The following DNM2 variants were observed in gnomAD, a reference collection of about 807,000 sequenced individuals.
DNM2 encodes the protein dynamin 2.
In DNM2, 15 loss-of-function variants were observed where a neutral mutation model predicts 99.0. The observed-to-expected ratio is 0.15, with a 90% CI of 0.10 to 0.23. The LOEUF is 0.23. DNM2 is among the 10% of genes least tolerant of loss of function. The pLI, the probability that DNM2 is intolerant of heterozygous loss-of-function variation, is 1.00. For synonymous variants in DNM2, 525 were observed against 481.2 expected (o/e 1.09, Z -1.19); for missense variants, 742 against 1,189.4 (o/e 0.62, Z 5.53).
chr19:10,815,170 T>C (rs1346434719), intron 15 of DNM2, among the ~76,000 whole-genome samples: 2 of 152,222 alleles, frequency 1.3e-5, no homozygotes, highest in East Asian at 3.8e-4. Flanking sequence ...CCGCGTCTCC[T>C]GTTGCCACCT....
rs960587824 is a variant in DNM2, at chr19:10,812,230, G to A, written c.1558-34G>A. ...CTGGGGGATGGCTGGGGCACGGAGC[G>A]AGGTTCCCTGCTAAGCTGCGCGCTT... On this transcript the variant is annotated intron_variant, in intron 14 of 20. Transcript: ENST00000389253. This position sits in a 1 kb window ranked among gnomAD's most constrained non-coding sequence, Gnocchi z 4.0. 16 of 1,543,664 alleles carry A rather than the reference G, an allele frequency of 1.0e-5. No individual in the cohort carries two copies. Among genetic ancestry groups the A allele is most frequent in the East Asian group, 2.4e-5 (1 of 41,506 alleles).
In DNM2 at chr19:10,777,890, C is replaced by T. The variant is rs539816145; in HGVS notation, c.688+674C>T. 5.7e-4 allele frequency among the ~76,000 whole-genome samples: 87 copies of T among 152,030 alleles called. 2 individuals are homozygous for T. In the South Asian group the frequency reaches 0.016, roughly 27 times the overall value. On this transcript the variant is annotated intron_variant, in intron 5 of 20. Transcript: ENST00000389253. The stretch of plus-strand genomic sequence containing the variant: ...GATTACAGCCATGAGCCACCGCACC[C>T]GGCCTATTATGAGCATTTTCAAACA...
At chr19:10,737,523 T>C (rs548033270) in intron 1 of DNM2, among the ~76,000 whole-genome samples, 9 of 152,176 alleles carry the variant, frequency 5.9e-5, no homozygotes, top group Non-Finnish European at 1.2e-4. Context: ...AGTCTTGCTC[T>C]GACTCCCAGG....
chr19:10,736,236 G>A (rs2069519855), intron 1 of DNM2, among the ~76,000 whole-genome samples: 1 of 149,644 alleles, frequency 6.7e-6, no homozygotes, highest in African/African-American at 2.5e-5. Context: ...TTGCACTCCA[G>A]CCTGGGCAAC....
chr19:10,759,689 C>A, intron 1 of DNM2, 49 bp from the exon 2 acceptor site: 1 of 1,611,950 alleles, frequency 6.2e-7, no homozygotes, highest in Non-Finnish European at 8.5e-7. Context: ...ACTTCCTGCC[C>A]CTCGATCCGG....
chr19:10,820,125 G>A lies in DNM2; in HGVS notation c.1781+36G>A, dbSNP rs768632943. 31 of 1,595,344 alleles carry A rather than the reference G, an allele frequency of 1.9e-5. No individual in the cohort carries two copies. Among genetic ancestry groups the A allele is most frequent in the Non-Finnish European group, 2.5e-5 (29 of 1,163,620 alleles). On this transcript the variant is annotated intron_variant, in intron 16 of 20. Transcript: ENST00000389253. The surrounding 1 kb of genome is among the most constrained non-coding windows in gnomAD (Gnocchi z 4.3). ...CAGGGGCCTGGGGATGGCTCGGGGT[G>A]AAGACCAATGGCCTCATTCACACTC... is the stretch of plus-strand genomic sequence containing the variant.
chr19:10,758,447 TTCCC>T (rs1773618433), intron 1 of DNM2, among the ~76,000 whole-genome samples: 4 of 34,454 alleles, frequency 1.2e-4, no homozygotes, highest in East Asian at 1.2e-3. Flanking sequence ...CCCTCCTTCC[TTCCC>T]TCCCTCCTTC....
intron 5 of DNM2, chr19:10,780,300 G>A (rs2071323848): frequency 6.5e-6 from 1 of 153,194 alleles, no homozygotes; most frequent in African/African-American, 2.4e-5. Context: ...AGAGAGGAAA[G>A]CAGACCCTAC....
At chr19:10,741,266 T>G (rs1249950404) in intron 1 of DNM2, among the ~76,000 whole-genome samples, 1 of 152,228 alleles carries the variant, frequency 6.6e-6, no homozygotes, top group Non-Finnish European at 1.5e-5. Flanking sequence ...GGTCTTGCTC[T>G]GTCTCCCAGG....
At chr19:10,752,387 C>T (rs528492373) in intron 1 of DNM2, among the ~76,000 whole-genome samples, 9 of 152,366 alleles carry the variant, frequency 5.9e-5, no homozygotes, top group Admixed American at 2.6e-4. Flanking sequence ...GCGTCACTCC[C>T]GCCCTATGTT....
chr19:10,781,382 T>G (rs2071364965), intron 5 of DNM2: 1 of 152,098 alleles, frequency 6.6e-6, no homozygotes, highest in Non-Finnish European at 1.5e-5. Flanking sequence ...CCAAGAGAGA[T>G]CTGGCGAGGA....
intron 1 of DNM2, among the ~76,000 whole-genome samples, chr19:10,719,007 C>CT (rs370582769): frequency 5.1e-4 from 78 of 152,302 alleles, no homozygotes; most frequent in African/African-American, 1.9e-3. Flanking sequence ...GACTTTAACA[C>CT]TGAGCAGTCC....
At chr19:10,827,010 G>A (rs951415928) in intron 18 of DNM2, among the ~76,000 whole-genome samples, 1 of 152,100 alleles carries the variant, frequency 6.6e-6, no homozygotes, top group African/African-American at 2.4e-5. Flanking sequence ...CAGCACTTTG[G>A]GAGGCTTGGC....
intron 15 of DNM2, among the ~76,000 whole-genome samples, chr19:10,819,629 G>A (rs2075170): frequency 0.06 from 9,056 of 152,164 alleles, 611 homozygotes; most frequent in East Asian, 0.36. Flanking sequence ...GTCAACAAGC[G>A]CAGGATACGT....
At position 10,776,038 on chromosome 19, in the gene DNM2, T is replaced by C. The variant is rs80295112; in HGVS notation, c.589+132T>C. The C allele has an allele frequency of 7.0e-4, 808 of 1,159,816 alleles. 2 individuals are homozygous for C. The African/African-American group carries it at 0.011, about 16-fold the overall frequency. 71.8% of individuals were successfully genotyped at this position (1,159,816 alleles called of 1,614,324 possible). On this transcript the variant is annotated intron_variant, in intron 4 of 20. Coordinates refer to ENST00000389253, the MANE Select transcript of DNM2 (RefSeq NM_001005361.3). ...CTGTAGGAAAAGGCCTCCTGGAACA[T>C]GGCACTTCCTCCGAGAACCAGCAGT...
At chr19:10,824,674 A>G in intron 17 of DNM2, 1 of 267,212 alleles carries the variant, frequency 3.7e-6, no homozygotes, top group Admixed American at 4.8e-5. Flanking sequence ...ATGGTGGCGC[A>G]CCCCTGTAAT....
At chr19:10,769,850 G>A (rs919517019) in intron 2 of DNM2, among the ~76,000 whole-genome samples, 11 of 152,146 alleles carry the variant, frequency 7.2e-5, no homozygotes, top group Non-Finnish European at 1.3e-4. Flanking sequence ...TCAGTCATCG[G>A]AGCCCACTGA....
At chr19:10,813,830 A>G (rs948269534) in intron 15 of DNM2, among the ~76,000 whole-genome samples, 11 of 136,550 alleles carry the variant, frequency 8.1e-5, no homozygotes, top group East Asian at 3.9e-4. Flanking sequence ...TGTCTCAAAA[A>G]AAAAAAAAAA....
chr19:10,792,763 A>G (rs1379095776), intron 7 of DNM2, among the ~76,000 whole-genome samples: 1 of 151,946 alleles, frequency 6.6e-6, no homozygotes, highest in African/African-American at 2.4e-5. Context: ...GTGCACCACC[A>G]CACCCAGCTC....
Sources: gnomAD v4.1 joint callset for allele counts (sites outside exome capture counted in the v4.1 genomes callset) on GRCh38, gnomAD v4.1.1 for gene constraint, Gnocchi (gnomAD v3.1) non-coding constraint, MANE v1.5 for transcripts, NCBI Gene and HGNC (gene_info 2026-07-23, HGNC 2026-07-21) for gene names.